PGBD4: variants seen among roughly 807,000 people sequenced by gnomAD.
PGBD4 encodes piggyBac transposable element-derived protein 4.
Under a neutral mutation model 0.3 loss-of-function variants are expected in PGBD4, and 1 was observed. The observed-to-expected ratio is 3.72, with a 90% CI of 1.32 to 17.64. PGBD4 has a LOEUF of 17.64. Among genes scored for constraint, PGBD4 ranks in the 30% most tolerant of loss-of-function variants. The probability of loss-of-function intolerance (pLI) is 0.11; values close to 1 mark genes in which losing one functional copy is unlikely to be tolerated. For missense variants in PGBD4, 624 were observed against 719.7 expected, an observed-to-expected ratio of 0.87 and a Z score of 1.52; for synonymous variants, 253 against 267.7, an observed-to-expected ratio of 0.95 and a Z score of 0.54.
Position 34,103,089 on chromosome 15 carries a change from T to G in PGBD4, c.558T>G (p.Pro186=), listed in dbSNP as rs765510999. 6.2e-7 allele frequency: 1 copy of G among 1,613,956 alleles called. No individual in the cohort carries two copies. Among genetic ancestry groups the G allele is most frequent in the Admixed American group, 1.7e-5 (1 of 60,004 alleles). Residue 186 remains proline (P), a synonymous_variant, in exon 1 of 1, where the codon CCT becomes CCG. Coordinates refer to ENST00000397766, the MANE Select transcript of PGBD4 (RefSeq NM_152595.5). The surrounding 1 kb of genome is among the most constrained non-coding windows in gnomAD (Gnocchi z 4.6). Reference sequence around the variant, plus strand: ...CAACAAGGCCTCTTTTGGATACACCTTATCTCAGGCAAATTATGACTGGTG... The same window carrying G: ...CAACAAGGCCTCTTTTGGATACACCGTATCTCAGGCAAATTATGACTGGTG... ...FWSTRPLLDT[P]YLRQIMTGER...
In PGBD4 at chr15:34,104,601, T is replaced by A; in HGVS notation, c.*312T>A. On this transcript the variant is annotated 3_prime_UTR_variant, in exon 1 of 1. Transcript: ENST00000397766. Reference sequence around the variant, plus strand: ...CTGGGTGACATAGCGAGACTCCATCTCAAAAAAAAGAAATAACTCCAAGAA... The same window carrying A: ...CTGGGTGACATAGCGAGACTCCATCACAAAAAAAAGAAATAACTCCAAGAA... The A allele has an allele frequency of 3.8e-6, 1 of 264,466 alleles. No individual in the cohort carries two copies. Among genetic ancestry groups the A allele is most frequent in the Non-Finnish European group, 7.1e-6 (1 of 141,094 alleles). 16.4% of individuals were successfully genotyped at this position (264,466 alleles called of 1,614,324 possible).
At position 34,104,024 on chromosome 15, in the gene PGBD4, A is replaced by G. The variant is rs1189351982; in HGVS notation, c.1493A>G (p.His498Arg). 2.5e-6 allele frequency: 4 copies of G among 1,614,194 alleles called. No homozygotes were observed. The African/African-American group carries it at 4.0e-5, about 16-fold the overall frequency. The change falls in exon 1 of 1, where the codon CAC (histidine) becomes CGC (arginine). Residue 498 changes from histidine to arginine, a missense_variant. Coordinates refer to ENST00000397766, the MANE Select transcript of PGBD4 (RefSeq NM_152595.5). The stretch of plus-strand genomic sequence containing the variant: ...ATTGAAAGAATGCTGGAAAAGCATC[A>G]CAAGCCAGGGCAGCAACATCTTCGA... ...ALIERMLEKH[H>R]KPGQQHLRGR...
rs1182596460 is a variant in PGBD4 at position 34,102,979 on chromosome 15, A to G, written c.448A>G (p.Thr150Ala). 2 of 1,614,168 alleles carry G rather than the reference A, an allele frequency of 1.2e-6. No individual in the cohort carries two copies. Among genetic ancestry groups the G allele is most frequent in the Non-Finnish European group, 1.7e-6 (2 of 1,180,046 alleles). Residue 150 changes from threonine to alanine, a missense_variant, in exon 1 of 1, where the codon ACT (threonine) becomes GCT (alanine). By Grantham distance (58) the Thr-to-Ala change is moderately conservative. Coordinates refer to ENST00000397766, the MANE Select transcript of PGBD4 (RefSeq NM_152595.5). This position sits in a 1 kb window ranked among gnomAD's most constrained non-coding sequence, Gnocchi z 4.7. ...TTCGCGAATGGATAAATGGAAAGAC[A>G]CTGACAATGACGAGCTCAAAGTCTT... ...GFSRMDKWKD[T>A]DNDELKVFFA... is the part of the protein sequence containing the mutation.
rs375166420 is a variant in PGBD4 at position 34,102,993 on chromosome 15, G to T, written c.462G>T (p.Glu154Asp). 1 of 1,613,972 alleles carries T rather than the reference G, an allele frequency of 6.2e-7. No individual in the cohort carries two copies. The highest frequency in any genetic ancestry group is 8.5e-7 in the Non-Finnish European group (1 of 1,180,042). ...MDKWKDTDND[E>D]LKVFFAVMLL... ...AATGGAAAGACACTGACAATGACGA[G>T]CTCAAAGTCTTTTTTGCAGTAATGT... Residue 154 changes from glutamate to aspartate, a missense_variant, in exon 1 of 1, where the codon GAG becomes GAT. By Grantham distance (45) the Glu-to-Asp change is conservative (BLOSUM62 2). Coordinates refer to ENST00000397766, the MANE Select transcript of PGBD4 (RefSeq NM_152595.5). This position sits in a 1 kb window ranked among gnomAD's most constrained non-coding sequence, Gnocchi z 4.7.
chr15:34,104,476 GC>G lies in PGBD4; in HGVS notation c.*189del. Reference sequence around the variant, plus strand: ...CAATTAGCTGGATGTGGTGGCACATGCCTGTAATCCAAGCTACTTGGGAGGC... The same window carrying G: ...CAATTAGCTGGATGTGGTGGCACATGCTGTAATCCAAGCTACTTGGGAGGC... On this transcript the variant is annotated 3_prime_UTR_variant, in exon 1 of 1. Coordinates refer to ENST00000397766, the MANE Select transcript of PGBD4 (RefSeq NM_152595.5). 1.5e-6 allele frequency: 1 copy of G among 661,252 alleles called. No individual in the cohort carries two copies. Among genetic ancestry groups the G allele is most frequent in the Non-Finnish European group, 2.5e-6 (1 of 402,792 alleles). The allele number at this position is 661,252 out of a possible 1,614,324, so 41.0% of individuals were successfully genotyped here.
rs1186256398 is a variant in PGBD4 at position 34,102,439 on chromosome 15, CT to C, written c.-89del. 7.0e-7 allele frequency: 1 copy of C among 1,432,496 alleles called. No homozygotes were observed. Among genetic ancestry groups the C allele is most frequent in the Non-Finnish European group, 9.1e-7 (1 of 1,097,668 alleles). The allele number at this position is 1,432,496 out of a possible 1,614,324, so 88.7% of individuals were successfully genotyped here. ...TTTTCGCATGGTTCTGGTATATTGA[CT>C]TTTGAAACAAAAGACATCATTCTGT... is the stretch of plus-strand genomic sequence containing the variant. On this transcript the variant is annotated 5_prime_UTR_variant, in exon 1 of 1. It introduces an in-frame stop codon into an upstream open reading frame of the 5' UTR. Coordinates refer to ENST00000397766, the MANE Select transcript of PGBD4 (RefSeq NM_152595.5). The surrounding 1 kb of genome is among the most constrained non-coding windows in gnomAD (Gnocchi z 4.7).
rs576596254 is a variant in PGBD4 at position 34,102,806 on chromosome 15, C to T, written c.275C>T (p.Pro92Leu). 3 of 1,614,128 alleles carry T rather than the reference C, an allele frequency of 1.9e-6. No homozygotes were observed. In the South Asian group the frequency reaches 3.3e-5, roughly 18 times the overall value. Residue 92 changes from proline (P) to leucine (L), a missense_variant, in exon 1 of 1, where the codon CCT becomes CTT. By Grantham distance (98) the Pro-to-Leu change is moderately conservative. Transcript: ENST00000397766. The surrounding 1 kb of genome is among the most constrained non-coding windows in gnomAD (Gnocchi z 4.7). ...PRQRYDFTGT[P>L]GRKVDVSDIT... ...CAAAGGTATGACTTTACCGGCACAC[C>T]TGGCAGAAAAGTCGATGTCAGTGAT... is the stretch of plus-strand genomic sequence containing the variant.
At position 34,103,725 on chromosome 15, in the gene PGBD4, AT is replaced by A; in HGVS notation, c.1196del (p.Phe399SerfsTer6). ...GCAAGGAGGTGACAATGTTGTCAACATTCCACAATGATACTGTGATTGAAGT... is the reference window on the plus strand; with the variant it reads ...GCAAGGAGGTGACAATGTTGTCAACATCCACAATGATACTGTGATTGAAGT... ...DGKEVTMLST[F>X]HNDTVIEVNN... On this transcript the variant is annotated frameshift_variant, in exon 1 of 1. Coordinates refer to ENST00000397766, the MANE Select transcript of PGBD4 (RefSeq NM_152595.5). LOFTEE classifies it low-confidence loss of function (END_TRUNC). This position sits in a 1 kb window ranked among gnomAD's most constrained non-coding sequence, Gnocchi z 4.6. 1.9e-6 allele frequency: 3 copies of A among 1,614,242 alleles called. No individual in the cohort carries two copies. Among genetic ancestry groups the A allele is most frequent in the Non-Finnish European group, 2.5e-6 (3 of 1,180,034 alleles).
At position 34,102,305 on chromosome 15, in the gene PGBD4, G is replaced by T; in HGVS notation, c.-227G>T. The T allele has an allele frequency of 1.7e-6, 1 of 595,618 alleles. No individual in the cohort carries two copies. Among genetic ancestry groups the T allele is most frequent in the Non-Finnish European group, 2.8e-6 (1 of 358,192 alleles). The allele number at this position is 595,618 out of a possible 1,614,324, so 36.9% of individuals were successfully genotyped here. On this transcript the variant is annotated 5_prime_UTR_variant, in exon 1 of 1. Coordinates refer to ENST00000397766, the MANE Select transcript of PGBD4 (RefSeq NM_152595.5). This position sits in a 1 kb window ranked among gnomAD's most constrained non-coding sequence, Gnocchi z 4.7. ...TTAACTCATTTCTCCTTAGCCCCGA[G>T]ATTACGCGCTGCTGTGCCTGCGACT...
At position 34,103,814 on chromosome 15, in the gene PGBD4, T is replaced by C. The variant is rs1470775516; in HGVS notation, c.1283T>C (p.Met428Thr). Residue 428 changes from methionine (M) to threonine (T), a missense_variant, in exon 1 of 1, where the codon ATG becomes ACG. Coordinates refer to ENST00000397766, the MANE Select transcript of PGBD4 (RefSeq NM_152595.5). This position sits in a 1 kb window ranked among gnomAD's most constrained non-coding sequence, Gnocchi z 4.6. ...PRVIVDYNENMGAVDSADQML... is the reference protein window; with the variant it reads ...PRVIVDYNENTGAVDSADQML... ...GTCATTGTGGATTATAACGAGAATA[T>C]GGGAGCAGTGGACTCGGCTGATCAA... 1.9e-6 allele frequency: 3 copies of C among 1,614,116 alleles called. No homozygotes were observed. In the East Asian group the frequency reaches 6.7e-5, roughly 36 times the overall value.
chr15:34,108,197 AG>A lies in PGBD4; in HGVS notation c.*3910del, dbSNP rs937325628. The stretch of plus-strand genomic sequence containing the variant: ...AGGCTGGTCTCAAACTCCTGACCTC[AG>A]GTAATCCGCCTGCCTTGGCCTCCCA... On this transcript the variant is annotated 3_prime_UTR_variant, in exon 1 of 1. Transcript: ENST00000397766. The A allele has an allele frequency of 6.6e-6, 1 of 152,136 alleles. No individual in the cohort carries two copies. The highest frequency in any genetic ancestry group is 2.4e-5 in the African/African-American group (1 of 41,392). 9.4% of individuals were successfully genotyped at this position (152,136 alleles called of 1,614,324 possible).
chr15:34,104,576 C>A lies in PGBD4; in HGVS notation c.*287C>A. On this transcript the variant is annotated 3_prime_UTR_variant, in exon 1 of 1. Coordinates refer to ENST00000397766, the MANE Select transcript of PGBD4 (RefSeq NM_152595.5). ...TGAGATCACACCACTGCACTCCAGC[C>A]TGGGTGACATAGCGAGACTCCATCT... The A allele has an allele frequency of 2.8e-6, 1 of 355,684 alleles. No homozygotes were observed. The highest frequency in any genetic ancestry group is 5.0e-6 in the Non-Finnish European group (1 of 198,232). 22.0% of individuals were successfully genotyped at this position (355,684 alleles called of 1,614,324 possible).
In PGBD4 at chr15:34,102,956, C is replaced by G; in HGVS notation, c.425C>G (p.Ser142Trp). 6.2e-7 allele frequency: 1 copy of G among 1,614,020 alleles called. No homozygotes were observed. Among genetic ancestry groups the G allele is most frequent in the Non-Finnish European group, 8.5e-7 (1 of 1,180,010 alleles). ...AAGCCACCGGGTCCGAAAGGATTTT[C>G]GCGAATGGATAAATGGAAAGACACT... ...ASKPPGPKGF[S>W]RMDKWKDTDN... is the part of the protein sequence containing the mutation. Residue 142 changes from serine to tryptophan, a missense_variant, in exon 1 of 1, where the codon TCG (serine) becomes TGG (tryptophan). By Grantham distance (177) the Ser-to-Trp change is radical. Transcript: ENST00000397766. The surrounding 1 kb of genome is among the most constrained non-coding windows in gnomAD (Gnocchi z 4.7).
Position 34,102,945 on chromosome 15 carries a change from G to A in PGBD4, c.414G>A (p.Pro138=), listed in dbSNP as rs1165511638. 1 of 1,613,864 alleles carries A rather than the reference G, an allele frequency of 6.2e-7. No individual in the cohort carries two copies. The highest frequency in any genetic ancestry group is 8.5e-7 in the Non-Finnish European group (1 of 1,179,998). Residue 138 remains proline (P), a synonymous_variant, in exon 1 of 1, where the codon CCG becomes CCA. Transcript: ENST00000397766. The surrounding 1 kb of genome is among the most constrained non-coding windows in gnomAD (Gnocchi z 4.7). ...AALLASKPPG[P]KGFSRMDKWK... ...TGTTGGCTTCAAAGCCACCGGGTCC[G>A]AAAGGATTTTCGCGAATGGATAAAT...
chr15:34,103,361 T>C lies in PGBD4; in HGVS notation c.830T>C (p.Leu277Pro). Residue 277 changes from leucine to proline, a missense_variant, in exon 1 of 1, where the codon CTA becomes CCA. Coordinates refer to ENST00000397766, the MANE Select transcript of PGBD4 (RefSeq NM_152595.5). This position sits in a 1 kb window ranked among gnomAD's most constrained non-coding sequence, Gnocchi z 4.6. ...AAACGAGTACGATTTGGTCTGAAGC[T>C]ATATGTACTTTGTGAAAGTCAGTCT... ...PTKRVRFGLK[L>P]YVLCESQSGY... 1 of 1,614,214 alleles carries C rather than the reference T, an allele frequency of 6.2e-7. No homozygotes were observed. Among genetic ancestry groups the C allele is most frequent in the South Asian group, 1.1e-5 (1 of 91,086 alleles).
In PGBD4 at chr15:34,105,455, A is replaced by G. The variant is rs937819791; in HGVS notation, c.*1166A>G. 6.0e-6 allele frequency: 1 copy of G among 167,116 alleles called. No homozygotes were observed. Among genetic ancestry groups the G allele is most frequent in the Non-Finnish European group, 1.5e-5 (1 of 68,130 alleles). 10.4% of individuals were successfully genotyped at this position (167,116 alleles called of 1,614,324 possible). A position where few individuals can be genotyped will look rare whatever the true frequency, so the allele number is the denominator to read the frequency against. ...CTTGTGCACTCTTAGAGTCAGCATC[A>G]TGGGAAAGAGTAACAGCAATTGAAA... On this transcript the variant is annotated 3_prime_UTR_variant, in exon 1 of 1. Transcript: ENST00000397766.
In PGBD4 at chr15:34,102,865, T is replaced by G; in HGVS notation, c.334T>G (p.Phe112Val). ...TDPLQYFELFFTEELVSKITR... is the reference protein window; with the variant it reads ...TDPLQYFELFVTEELVSKITR... ...CCCATTGCAGTATTTTGAACTGTTC[T>G]TTACTGAGGAATTAGTTTCAAAAAT... The change falls in exon 1 of 1, where the codon TTT (phenylalanine) becomes GTT (valine). Residue 112 changes from phenylalanine (F) to valine (V), a missense_variant. Phe to Val is a conservative substitution (Grantham distance 50, BLOSUM62 -1). Transcript: ENST00000397766. This position sits in a 1 kb window ranked among gnomAD's most constrained non-coding sequence, Gnocchi z 4.7. The G allele has an allele frequency of 2.5e-6, 4 of 1,614,166 alleles. No homozygotes were observed. Among genetic ancestry groups the G allele is most frequent in the Non-Finnish European group, 3.4e-6 (4 of 1,180,016 alleles).
rs779544943 is a variant in PGBD4 at position 34,104,148 on chromosome 15, T to C, written c.1617T>C (p.Gly539=). 6 of 1,614,144 alleles carry C rather than the reference T, an allele frequency of 3.7e-6. No individual in the cohort carries two copies. Among genetic ancestry groups the C allele is most frequent in the Non-Finnish European group, 4.2e-6 (5 of 1,180,024 alleles). ...CGTCCGGGAAACAGAATCCAACTGGTCGCTGCAAAATTTGCTGCTCCCAAT... is the reference window on the plus strand; with the variant it reads ...CGTCCGGGAAACAGAATCCAACTGGCCGCTGCAAAATTTGCTGCTCCCAAT... ...PATSGKQNPT[G]RCKICCSQYD... Residue 539 remains glycine, a synonymous_variant, in exon 1 of 1, where the codon GGT becomes GGC. Transcript: ENST00000397766.
In PGBD4 at chr15:34,105,705, CAAAT is replaced by C. The variant is rs1887755782; in HGVS notation, c.*1421_*1424del. ...ACACACACTTGACTTTCTTGTCTGC[CAAAT>C]AAATTTCTTATTTGCTAGGGAACTG... On this transcript the variant is annotated 3_prime_UTR_variant, in exon 1 of 1. Transcript: ENST00000397766. 6.0e-6 allele frequency: 1 copy of C among 166,870 alleles called. No homozygotes were observed. The highest frequency in any genetic ancestry group is 6.6e-5 in the Admixed American group (1 of 15,246). The allele number at this position is 166,870 out of a possible 1,614,324, so 10.3% of individuals were successfully genotyped here.
Sources: gnomAD v4.1 joint callset for allele counts on GRCh38, gnomAD v4.1.1 for gene constraint, Gnocchi (gnomAD v3.1) non-coding constraint, MANE v1.5 for transcripts, NCBI Gene and HGNC (gene_info 2026-07-23, HGNC 2026-07-21) for gene names.